Variants in ADAMTSL3 observed in about 807,000 individuals in gnomAD.
The protein encoded by ADAMTSL3 is ADAMTS-like protein 3.
ADAMTSL3 carries 128 observed loss-of-function variants against 201.7 expected under a neutral mutation model. The observed-to-expected ratio is 0.63, with a 90% CI of 0.55 to 0.73. The LOEUF is 0.73. Ranked by LOEUF, ADAMTSL3 falls within the 30% of genes least tolerant of loss-of-function variation. The probability of loss-of-function intolerance (pLI) is 0.00; values close to 1 mark genes in which losing one functional copy is unlikely to be tolerated. For synonymous variants in ADAMTSL3, 738 were observed against 748.4 expected (o/e 0.99, Z 0.23); for missense variants, 1,990 against 2,119.6 (o/e 0.94, Z 1.20).
chr15:84,037,034 G>T, intron 29 of ADAMTSL3, 47 bp downstream of exon 29: 1 of 1,580,816 alleles, frequency 6.3e-7, no homozygotes, highest in South Asian at 1.1e-5. Context: ...GGCCTTGATG[G>T]CATCAGATCC....
At chr15:83,959,046 T>A (rs2066908539) in intron 19 of ADAMTSL3, among the ~76,000 whole-genome samples, 1 of 152,094 alleles carries the variant, frequency 6.6e-6, no homozygotes, top group Admixed American at 6.5e-5. Flanking sequence ...CCAAAAATCA[T>A]AACAGAACAA....
chr15:83,719,519 G>A (rs1013306394), intron 3 of ADAMTSL3, among the ~76,000 whole-genome samples: 1 of 152,088 alleles, frequency 6.6e-6, no homozygotes, highest in Non-Finnish European at 1.5e-5. Context: ...AATTTCTGAG[G>A]CATGAAAATG....
chr15:83,684,579 G>GA (rs1227385057), intron 2 of ADAMTSL3, among the ~76,000 whole-genome samples: 7 of 150,932 alleles, frequency 4.6e-5, no homozygotes, highest in Non-Finnish European at 7.4e-5. Context: ...CATCTCTAGG[G>GA]AAAAAAAACA....
chr15:83,845,703 A>AT (rs1158104414), intron 7 of ADAMTSL3, among the ~76,000 whole-genome samples: 8 of 152,140 alleles, frequency 5.3e-5, no homozygotes, highest in African/African-American at 1.9e-4. Flanking sequence ...ATATGAAGCA[A>AT]TTTTCCAAAC....
chr15:83,759,881 C>G (rs1210867630), intron 3 of ADAMTSL3, among the ~76,000 whole-genome samples: 1 of 152,120 alleles, frequency 6.6e-6, no homozygotes, highest in Non-Finnish European at 1.5e-5. Flanking sequence ...TTTTCATCCT[C>G]TTACCATTTT....
rs570386022 is a variant in ADAMTSL3, at chr15:83,762,435, A to C, written c.190-11088A>C. ...GACTGGGTAATTTGTAAAGAACAAA[A>C]ATGTATTCTCTCATGTTCTGGAGGC... On this transcript the variant is annotated intron_variant, in intron 3 of 29. Coordinates refer to ENST00000286744, the MANE Select transcript of ADAMTSL3 (RefSeq NM_207517.3). 2.0e-5 allele frequency among the ~76,000 whole-genome samples: 3 copies of C among 152,268 alleles called. No individual in the cohort carries two copies. The South Asian group carries it at 6.2e-4, about 32-fold the overall frequency.
rs183724200 is a variant in ADAMTSL3 at position 83,776,664 on chromosome 15, C to T, written c.317+3014C>T. 2.0e-5 allele frequency among the ~76,000 whole-genome samples: 3 copies of T among 152,160 alleles called. No homozygotes were observed. In the East Asian group the frequency reaches 5.8e-4, roughly 29 times the overall value. ...CTCGGGAGGTGGAGGTTTCAGTGAGCTGAGATTGCGCCATTGCACTCCAGC... is the reference window on the plus strand; with the variant it reads ...CTCGGGAGGTGGAGGTTTCAGTGAGTTGAGATTGCGCCATTGCACTCCAGC... On this transcript the variant is annotated intron_variant, in intron 4 of 29. Coordinates refer to ENST00000286744, the MANE Select transcript of ADAMTSL3 (RefSeq NM_207517.3).
At chr15:83,825,610 C>T (rs1372611463) in intron 6 of ADAMTSL3, among the ~76,000 whole-genome samples, 1 of 152,162 alleles carries the variant, frequency 6.6e-6, no homozygotes, top group African/African-American at 2.4e-5. Flanking sequence ...GGGTGAGACC[C>T]TGTTTCTAAA....
At chr15:83,766,316 GC>G (rs2062889234) in intron 3 of ADAMTSL3, among the ~76,000 whole-genome samples, 1 of 152,210 alleles carries the variant, frequency 6.6e-6, no homozygotes, top group Non-Finnish European at 1.5e-5. Context: ...TGAGCACAGA[GC>G]CTTGAACTTA....
Position 83,939,078 on chromosome 15 carries a change from A to G in ADAMTSL3, c.2118-3518A>G, listed in dbSNP as rs1181117274. On this transcript the variant is annotated intron_variant, in intron 17 of 29. Transcript: ENST00000286744. ...TTTCCTATAGTTTGCTATGTCGTAGACACTGATTGATTTTCCAAGGTTGAA... is the reference window on the plus strand; with the variant it reads ...TTTCCTATAGTTTGCTATGTCGTAGGCACTGATTGATTTTCCAAGGTTGAA... Among the ~76,000 whole-genome samples, 4 of 152,302 alleles carry G rather than the reference A, an allele frequency of 2.6e-5. No homozygotes were observed. In the Middle Eastern group the frequency reaches 0.01, roughly 389 times the overall value.
intron 3 of ADAMTSL3, among the ~76,000 whole-genome samples, chr15:83,718,371 T>C (rs2062048559): frequency 6.6e-6 from 1 of 152,110 alleles, no homozygotes; most frequent in South Asian, 2.1e-4. Context: ...TCAGAAGGAC[T>C]CAGGAATCAG....
intron 4 of ADAMTSL3, 65 bp downstream of exon 4, chr15:83,773,715 G>A (rs2063025987): frequency 1.3e-6 from 2 of 1,541,962 alleles, no homozygotes; most frequent in Non-Finnish European, 1.7e-6. Context: ...GGGTGGAGAG[G>A]AGAGATAACT....
At chr15:83,955,866 A>G (rs1008511523) in intron 19 of ADAMTSL3, among the ~76,000 whole-genome samples, 1 of 152,010 alleles carries the variant, frequency 6.6e-6, no homozygotes, top group African/African-American at 2.4e-5. Flanking sequence ...CATTGCTACA[A>G]GCTGTGCTGC....
intron 2 of ADAMTSL3, among the ~76,000 whole-genome samples, chr15:83,690,077 A>AT (rs1177838679): frequency 6.6e-6 from 1 of 151,938 alleles, no homozygotes; most frequent in African/African-American, 2.4e-5. Flanking sequence ...TATTAGGATA[A>AT]TTTTTTCTTG....
At chr15:83,803,632 C>G (rs1487522551) in intron 4 of ADAMTSL3, among the ~76,000 whole-genome samples, 1 of 152,084 alleles carries the variant, frequency 6.6e-6, no homozygotes, top group Non-Finnish European at 1.5e-5. Flanking sequence ...CAGACAAGCA[C>G]TGGACTGAGG....
At chr15:83,994,623 A>T (rs1381160868) in intron 23 of ADAMTSL3, among the ~76,000 whole-genome samples, 5 of 106,700 alleles carry the variant, frequency 4.7e-5, no homozygotes, top group African/African-American at 1.9e-4. Flanking sequence ...TTGACACAGA[A>T]CCTCACTCTG....
At chr15:83,775,723 T>C (rs943175401) in intron 4 of ADAMTSL3, among the ~76,000 whole-genome samples, 1 of 152,214 alleles carries the variant, frequency 6.6e-6, no homozygotes, top group Non-Finnish European at 1.5e-5. Context: ...AGCACTTTGA[T>C]GGATTTTCTG....
chr15:83,710,209 G>C (rs943681691), intron 3 of ADAMTSL3, among the ~76,000 whole-genome samples: 2 of 152,110 alleles, frequency 1.3e-5, no homozygotes, highest in African/African-American at 2.4e-5. Flanking sequence ...TTCATACCAG[G>C]CCATCCCTTC....
chr15:83,795,013 C>T (rs192899400), intron 4 of ADAMTSL3, among the ~76,000 whole-genome samples: 12 of 152,024 alleles, frequency 7.9e-5, no homozygotes, highest in African/African-American at 1.2e-4. Flanking sequence ...CCACCATGCC[C>T]GGCTAATTTT....
Sources: gnomAD v4.1 joint callset for allele counts (sites outside exome capture counted in the v4.1 genomes callset) on GRCh38, gnomAD v4.1.1 for gene constraint, MANE v1.5 for transcripts, NCBI Gene and HGNC (gene_info 2026-07-23, HGNC 2026-07-21) for gene names.